GIGYF2: variants seen among roughly 807,000 people sequenced by gnomAD.
GIGYF2 encodes the protein GRB10-interacting GYF protein 2.
In GIGYF2, 25 loss-of-function variants were observed where a neutral mutation model predicts 208.1. That is an observed-to-expected ratio of 0.12 (90% CI 0.09 to 0.17). The LOEUF is 0.17. GIGYF2 is among the 10% of genes least tolerant of loss of function. The pLI is 1.00. For missense variants in GIGYF2, 1,302 were observed against 1,579.4 expected (o/e 0.82, Z 2.98); for synonymous variants, 534 against 543.8 (o/e 0.98, Z 0.25).
intron 18 of GIGYF2, among the ~76,000 whole-genome samples, chr2:232,813,881 ATTTTTTTT>A (rs397871962): frequency 1.4e-4 from 10 of 73,546 alleles, no homozygotes; most frequent in Admixed American, 3.3e-4. Context: ...TCACAAGTGG[ATTTTTTTT>A]TTTTTTTTTT....
intron 5 of GIGYF2, among the ~76,000 whole-genome samples, chr2:232,752,106 A>G (rs1350279071): frequency 6.6e-6 from 1 of 152,216 alleles, no homozygotes; most frequent in Admixed American, 6.5e-5. Context: ...AGGCATTTAA[A>G]ATGCACCATT....
intron 20 of GIGYF2, among the ~76,000 whole-genome samples, chr2:232,817,503 T>C (rs1700950659): frequency 6.6e-6 from 1 of 152,192 alleles, no homozygotes; most frequent in African/African-American, 2.4e-5. Flanking sequence ...TCTCCAACTT[T>C]GCAAACTGAA....
intron 8 of GIGYF2, chr2:232,768,447 T>C: frequency 2.5e-6 from 4 of 1,614,230 alleles, no homozygotes; most frequent in Non-Finnish European, 3.4e-6. Context: ...TCCAGTGCCC[T>C]CCTGCATTGC....
chr2:232,783,869 G>A (rs928405350), intron 8 of GIGYF2, among the ~76,000 whole-genome samples: 17 of 151,972 alleles, frequency 1.1e-4, no homozygotes, highest in Admixed American at 3.3e-4. Context: ...TTGTATTTTA[G>A]TAGAGACGGG....
At chr2:232,750,084 C>G (rs1181332853) in intron 5 of GIGYF2, among the ~76,000 whole-genome samples, 1 of 151,878 alleles carries the variant, frequency 6.6e-6, no homozygotes, top group Non-Finnish European at 1.5e-5. Flanking sequence ...ACTTGGGAGG[C>G]TGAGGCAGGA....
At chr2:232,829,866 A>T (rs962058297) in intron 21 of GIGYF2, among the ~76,000 whole-genome samples, 3 of 152,240 alleles carry the variant, frequency 2.0e-5, no homozygotes, top group Admixed American at 2.0e-4. Context: ...TTTCAAAGTT[A>T]TGCTTTCTGA....
chr2:232,758,496 C>T (rs1698627768), intron 6 of GIGYF2, among the ~76,000 whole-genome samples: 1 of 152,052 alleles, frequency 6.6e-6, no homozygotes, highest in South Asian at 2.1e-4. Flanking sequence ...TTTAATTGAG[C>T]CTTACGATAG....
chr2:232,814,580 A>T (rs1700853378), intron 18 of GIGYF2, among the ~76,000 whole-genome samples: 1 of 81,366 alleles, frequency 1.2e-5, no homozygotes, highest in Non-Finnish European at 3.0e-5. Context: ...CCCCCCCCAA[A>T]AAAAAAGTAC....
intron 22 of GIGYF2, among the ~76,000 whole-genome samples, chr2:232,836,565 CAAAAAAAAAAA>C (rs554171454): frequency 1.8e-5 from 1 of 55,876 alleles, no homozygotes; most frequent in Non-Finnish European, 3.8e-5. Flanking sequence ...GACCCTGTCT[CAAAAAAAAAAA>C]AAAAAAAAAA....
intron 8 of GIGYF2, among the ~76,000 whole-genome samples, chr2:232,784,526 G>A (rs1165119084): frequency 6.7e-6 from 1 of 148,814 alleles, no homozygotes; most frequent in Non-Finnish European, 1.5e-5. Flanking sequence ...AGTAGCTTGG[G>A]ACTACAGGCG....
intron 2 of GIGYF2, among the ~76,000 whole-genome samples, chr2:232,731,533 T>G (rs1697496815): frequency 6.6e-6 from 1 of 152,232 alleles, no homozygotes; most frequent in South Asian, 2.1e-4. Context: ...ATTGATGTGG[T>G]CTCTACAGCT....
intron 2 of GIGYF2, among the ~76,000 whole-genome samples, chr2:232,710,244 C>T (rs1047225918): frequency 2.0e-5 from 3 of 152,058 alleles, no homozygotes; most frequent in South Asian, 2.1e-4. Flanking sequence ...CAGGTGTGAG[C>T]CACCGCGCCT....
chr2:232,791,194 C>T, intron 11 of GIGYF2, 24 bp downstream of exon 11: 1 of 1,613,884 alleles, frequency 6.2e-7, no homozygotes, highest in South Asian at 1.1e-5. Flanking sequence ...TTGCCCTTTG[C>T]CTTTTTTTTC....
chr2:232,715,283 T>C (rs1020043407), intron 2 of GIGYF2, among the ~76,000 whole-genome samples: 4 of 152,214 alleles, frequency 2.6e-5, no homozygotes, highest in African/African-American at 9.6e-5. Context: ...TGGATTGTCC[T>C]CAGTTTTGGG....
intron 2 of GIGYF2, among the ~76,000 whole-genome samples, chr2:232,728,421 T>A (rs982669269): frequency 2.6e-5 from 4 of 152,056 alleles, no homozygotes; most frequent in African/African-American, 4.8e-5. Flanking sequence ...TTAATAGAGT[T>A]TGGACTATAA....
rs939962485 is a variant in GIGYF2 at position 232,719,911 on chromosome 2, G to T, written c.-43-15244G>T. On this transcript the variant is annotated intron_variant, in intron 2 of 28. Transcript: ENST00000373563. Reference sequence around the variant, plus strand: ...GTTATGTAGAAATATTCTCTCAGCTGTTTTTTTTTTGTTATAGATTAAGTT... The same window carrying T: ...GTTATGTAGAAATATTCTCTCAGCTTTTTTTTTTTTGTTATAGATTAAGTT... Among the ~76,000 whole-genome samples, 83 of 148,594 alleles carry T rather than the reference G, an allele frequency of 5.6e-4. 2 individuals carry two copies. The highest frequency in any genetic ancestry group is 3.4e-4 in the Admixed American group (5 of 14,920).
rs960776771 is a variant in GIGYF2, at chr2:232,845,971, A to C, written c.3460+85A>C. The C allele has an allele frequency of 3.5e-6, 3 of 868,344 alleles. No individual in the cohort carries two copies. In the African/African-American group the frequency reaches 5.0e-5, roughly 14 times the overall value. 53.8% of individuals were successfully genotyped at this position (868,344 alleles called of 1,614,324 possible). A position where few individuals can be genotyped will look rare whatever the true frequency, so the allele number is the denominator to read the frequency against. On this transcript the variant is annotated intron_variant, in intron 26 of 28. Coordinates refer to ENST00000373563, the MANE Select transcript of GIGYF2 (RefSeq NM_001103146.3). ...CTGGCAAATTTGAACAGTGGGCCAA[A>C]AGTCAAAAGATGAAATCTAAGGAGG...
At position 232,858,378 on chromosome 2, in the gene GIGYF2, C is replaced by T. The variant is rs1690649623; in HGVS notation, c.*1518C>T. 1 of 420,628 alleles carries T rather than the reference C, an allele frequency of 2.4e-6. No individual in the cohort carries two copies. The highest frequency in any genetic ancestry group is 7.1e-5 in the East Asian group (1 of 14,118). The allele number at this position is 420,628 out of a possible 1,614,324, so 26.1% of individuals were successfully genotyped here. On this transcript the variant is annotated 3_prime_UTR_variant, in exon 29 of 29. Coordinates refer to ENST00000373563, the MANE Select transcript of GIGYF2 (RefSeq NM_001103146.3). Reference sequence around the variant, plus strand: ...TCCCTATCCCTTCTTGCCTCCCTCCCTTCTAAACATGTGTAATAACTATAC... The same window carrying T: ...TCCCTATCCCTTCTTGCCTCCCTCCTTTCTAAACATGTGTAATAACTATAC...
Position 232,790,828 on chromosome 2 carries a change from C to T in GIGYF2, c.843C>T (p.Asp281=), listed in dbSNP as rs1700048904. 9.3e-6 allele frequency: 15 copies of T among 1,614,076 alleles called. No homozygotes were observed. The highest frequency in any genetic ancestry group is 1.3e-5 in the Non-Finnish European group (15 of 1,179,968). ...VRSGSGSIDD[D]RDSLPEWCLE... ...CTGGCAGTGGGAGCATAGATGATGA[C>T]AGGGATAGCTTGCCCGAATGGTGCT... is the stretch of plus-strand genomic sequence containing the variant. The change falls in exon 10 of 29, where the codon GAC becomes GAT. Residue 281 remains aspartate (D), a synonymous_variant. Transcript: ENST00000373563.
Sources: gnomAD v4.1 joint callset for allele counts (sites outside exome capture counted in the v4.1 genomes callset) on GRCh38, gnomAD v4.1.1 for gene constraint, MANE v1.5 for transcripts, NCBI Gene and HGNC (gene_info 2026-07-23, HGNC 2026-07-21) for gene names.